Variants in RARB observed in about 807,000 individuals in gnomAD.
RARB encodes retinoic acid receptor beta, also known as HBV-activated protein.
In RARB, 17 loss-of-function variants were observed where a neutral mutation model predicts 51.9. The observed-to-expected ratio is 0.33, with a 90% CI of 0.22 to 0.49. RARB has a LOEUF of 0.49. Ranked by LOEUF, RARB falls within the 20% of genes least tolerant of loss-of-function variation. The pLI, the probability that RARB is intolerant of heterozygous loss-of-function variation, is 0.99. For missense variants in RARB, 369 were observed against 550.8 expected, an observed-to-expected ratio of 0.67 and a Z score of 3.30; for synonymous variants, 215 against 195.4, an observed-to-expected ratio of 1.10 and a Z score of -0.84.
chr3:24,896,799 G>A (rs1703489112), intron 2 of RARB, among the ~76,000 whole-genome samples: 3 of 152,192 alleles, frequency 2.0e-5, no homozygotes, highest in Admixed American at 1.3e-4. Context: ...TTGGAATGGG[G>A]CAGTATAGTC....
At position 24,879,520 on chromosome 3, in the gene RARB, T is replaced by TA. The variant is rs1394259740; in HGVS notation, c.-380+20770dup. Among the ~76,000 whole-genome samples the TA allele has an allele frequency of 2.1e-5, 3 of 145,128 alleles. No individual in the cohort carries two copies. In the East Asian group the frequency reaches 6.4e-4, roughly 31 times the overall value. ...TTTTTTTTTCTTAACCTGGGAGGAT[T>TA]AACAATCAAGAATCACTTTAAAGCT... On this transcript the variant is annotated intron_variant, in intron 2 of 11. Coordinates refer to the RARB transcript ENST00000383772.
chr3:24,886,772 C>T (rs1455810973), intron 2 of RARB, among the ~76,000 whole-genome samples: 1 of 152,062 alleles, frequency 6.6e-6, no homozygotes, highest in Non-Finnish European at 1.5e-5. Context: ...GCAACTTGAT[C>T]CTACATAGAA....
rs920138 is a variant in RARB at position 25,319,501 on chromosome 3, A to G, written c.179-141692A>G. ...CTCAACACATTGTTAGTTTATGCCT[A>G]TTCTCCATCTCTTAGCCCAGACAAT... On this transcript the variant is annotated intron_variant, in intron 5 of 11. Transcript: ENST00000383772. Among the ~76,000 whole-genome samples, 1,268 of 152,292 alleles carry G rather than the reference A, an allele frequency of 8.3e-3. 11 individuals are homozygous for G. The highest frequency in any genetic ancestry group is 0.029 in the African/African-American group (1,201 of 41,574).
At chr3:25,168,131 T>TTTCCATTA (rs1329544062) in intron 4 of RARB, among the ~76,000 whole-genome samples, 4 of 152,200 alleles carry the variant, frequency 2.6e-5, no homozygotes, top group Admixed American at 2.6e-4. Context: ...CTAATGTTAA[T>TTTCCATTA]GGAAATAAAA....
chr3:24,977,592 G>C (rs1340610709), intron 2 of RARB, among the ~76,000 whole-genome samples: 3 of 152,280 alleles, frequency 2.0e-5, no homozygotes, highest in African/African-American at 7.2e-5. Flanking sequence ...GAAAGCTTGT[G>C]AATTTTGCAC....
chr3:25,185,380 T>C (rs1427752666), intron 5 of RARB, among the ~76,000 whole-genome samples: 2 of 152,156 alleles, frequency 1.3e-5, no homozygotes, highest in African/African-American at 4.8e-5. Flanking sequence ...CTGCGGGGTC[T>C]GCATGTCACT....
At chr3:24,952,782 AC>A (rs1199900063) in intron 2 of RARB, among the ~76,000 whole-genome samples, 1 of 151,904 alleles carries the variant, frequency 6.6e-6, no homozygotes, top group Non-Finnish European at 1.5e-5. Context: ...AAAACATCAA[AC>A]CCAATCCTCA....
intron 2 of RARB, among the ~76,000 whole-genome samples, chr3:25,005,220 T>A (rs1246425805): frequency 6.6e-6 from 1 of 152,190 alleles, no homozygotes; most frequent in Non-Finnish European, 1.5e-5. Flanking sequence ...TATACTTGCC[T>A]CACTGTTTCC....
intron 5 of RARB, among the ~76,000 whole-genome samples, chr3:25,406,828 C>T (rs895878653): frequency 3.9e-5 from 6 of 152,138 alleles, no homozygotes; most frequent in African/African-American, 1.4e-4. Context: ...AGCTTGTGCT[C>T]ACGTATTTTA....
At chr3:25,036,290 A>T (rs748487713) in intron 2 of RARB, among the ~76,000 whole-genome samples, 1 of 152,138 alleles carries the variant, frequency 6.6e-6, no homozygotes, top group Non-Finnish European at 1.5e-5. Context: ...CAGAGCTGTT[A>T]TGAAACTCTC....
chr3:25,161,557 C>G (rs764846732), intron 4 of RARB, among the ~76,000 whole-genome samples: 2 of 152,084 alleles, frequency 1.3e-5, no homozygotes, highest in African/African-American at 2.4e-5. Context: ...TCCATACTTT[C>G]ATCGTGGTCT....
chr3:25,297,113 C>T (rs1453629579), intron 5 of RARB, among the ~76,000 whole-genome samples: 1 of 152,156 alleles, frequency 6.6e-6, no homozygotes, highest in African/African-American at 2.4e-5. Flanking sequence ...ATATAAACTT[C>T]AGGAAATCCA....
chr3:25,102,274 C>G (rs1241042028), intron 3 of RARB, among the ~76,000 whole-genome samples: 1 of 152,196 alleles, frequency 6.6e-6, no homozygotes, highest in African/African-American at 2.4e-5. Flanking sequence ...GGCACTGTGG[C>G]TCACACCTGT....
intron 2 of RARB, among the ~76,000 whole-genome samples, chr3:25,476,683 C>T (rs1695964410): frequency 6.6e-6 from 1 of 152,162 alleles, no homozygotes; most frequent in African/African-American, 2.4e-5. Flanking sequence ...GAGACCCAGT[C>T]GTGGGCCTAC....
intron 5 of RARB, among the ~76,000 whole-genome samples, chr3:25,382,305 A>G (rs527757612): frequency 6.6e-6 from 1 of 152,334 alleles, no homozygotes; most frequent in East Asian, 1.9e-4. Context: ...CTGTGTTTAG[A>G]ATTTTCAAAT....
chr3:25,280,565 A>G (rs1263865100), intron 5 of RARB, among the ~76,000 whole-genome samples: 1 of 152,158 alleles, frequency 6.6e-6, no homozygotes, highest in Non-Finnish European at 1.5e-5. Context: ...ATTGGGTGTC[A>G]AATAATTTTA....
chr3:25,472,156 A>G (rs966202468), intron 2 of RARB, among the ~76,000 whole-genome samples: 5 of 152,232 alleles, frequency 3.3e-5, no homozygotes, highest in African/African-American at 7.2e-5. Flanking sequence ...ACAAGGTACA[A>G]TGTTTGCTAC....
At chr3:25,583,848 C>T (rs574966356) in intron 5 of RARB, among the ~76,000 whole-genome samples, 1 of 152,342 alleles carries the variant, frequency 6.6e-6, no homozygotes, top group African/African-American at 2.4e-5. Context: ...GCAGCCTCTT[C>T]ATAACCACTG....
intron 2 of RARB, among the ~76,000 whole-genome samples, chr3:24,964,883 A>G (rs1696220729): frequency 6.6e-6 from 1 of 152,158 alleles, no homozygotes; most frequent in Non-Finnish European, 1.5e-5. Flanking sequence ...CTGGTGGGAA[A>G]GATATTTGTG....
Sources: allele counts gnomAD v4.1 joint callset (sites outside exome capture counted in the v4.1 genomes callset), GRCh38; gene constraint gnomAD v4.1.1; transcripts MANE v1.5; gene names NCBI Gene and HGNC (gene_info 2026-07-23, HGNC 2026-07-21).